RRBP1: variants seen among roughly 807,000 people sequenced by gnomAD.
The protein encoded by RRBP1 is ribosome-binding protein 1.
A neutral mutation model predicts 165.2 loss-of-function variants in RRBP1; 94 were observed. The ratio of observed to expected loss-of-function variants is 0.57; its 90% CI spans 0.48 to 0.68. The LOEUF is 0.68. Among genes scored for constraint, RRBP1 ranks in the 30% least tolerant of loss-of-function variants. The pLI is 0.00. For synonymous variants in RRBP1, 680 were observed against 714.5 expected (o/e 0.95, Z 0.77); for missense variants, 1,676 against 1,763.0 (o/e 0.95, Z 0.88).
chr20:17,627,841 T>A (rs1033443581), intron 9 of RRBP1, among the ~76,000 whole-genome samples, 159 bp from the exon 10 acceptor site: 1 of 152,176 alleles, frequency 6.6e-6, no homozygotes, highest in Admixed American at 6.5e-5. Context: ...TACTGACCAC[T>A]GGGGCCTCTT....
At chr20:17,655,591 C>T (rs567453270) in intron 3 of RRBP1, among the ~76,000 whole-genome samples, 1 of 152,150 alleles carries the variant, frequency 6.6e-6, no homozygotes, top group Non-Finnish European at 1.5e-5. Flanking sequence ...CCGCATGCAC[C>T]GAGGCCCTTG....
chr20:17,614,219 T>A lies in RRBP1; in HGVS notation c.4196A>T (p.Glu1399Val). ...KKLQEQLEKA[E>V]DGSSSKEGTS... is the part of the protein sequence containing the mutation. Reference sequence around the variant, plus strand: ...GCCCTCCTTTGAGCTGCTGCCGTCCTCCTGTGAACGAAGGCAGGTGGCGTG... The same window carrying A: ...GCCCTCCTTTGAGCTGCTGCCGTCCACCTGTGAACGAAGGCAGGTGGCGTG... The change falls in exon 25 of 25, where the codon GAG becomes GTG. Residue 1399 changes from glutamate (E) to valine (V), a missense_variant and splice_region_variant. Glu to Val is a moderately radical substitution (Grantham distance 121, BLOSUM62 -2). Transcript: ENST00000377813. 1 of 1,613,520 alleles carries A rather than the reference T, an allele frequency of 6.2e-7. No homozygotes were observed. Among genetic ancestry groups the A allele is most frequent in the Non-Finnish European group, 8.5e-7 (1 of 1,179,962 alleles).
chr20:17,679,761 C>T (rs770999408), intron 2 of RRBP1, among the ~76,000 whole-genome samples: 2 of 152,226 alleles, frequency 1.3e-5, no homozygotes, highest in Non-Finnish European at 2.9e-5. Context: ...CCAAAAAATA[C>T]TCATATACCA....
At position 17,616,766 on chromosome 20, in the gene RRBP1, G is replaced by A. The variant is rs1219188101; in HGVS notation, c.3833C>T (p.Pro1278Leu). 39 of 1,612,356 alleles carry A rather than the reference G, an allele frequency of 2.4e-5. No individual in the cohort carries two copies. The Admixed American group carries it at 6.5e-4, about 27-fold the overall frequency. The part of the protein sequence containing the change: ...GDIAGAPASS[P>L]EAPPAEQDPV... Reference sequence around the variant, plus strand: ...GTCCTGCTCGGCTGGGGGCGCCTCTGGGGAGGAAGCTGGGGCCCCAGCTAT... The same window carrying A: ...GTCCTGCTCGGCTGGGGGCGCCTCTAGGGAGGAAGCTGGGGCCCCAGCTAT... The change falls in exon 21 of 25, where the codon CCA becomes CTA. Residue 1278 changes from proline (P) to leucine (L), a missense_variant. Physicochemically the swap from Pro to Leu is moderately conservative, Grantham distance 98. Around this residue, in one of 5 missense-constraint regions of RRBP1, gnomAD observed 1,184 missense variants for 1,167.1 expected, o/e 1.01. Coordinates refer to ENST00000377813, the MANE Select transcript of RRBP1 (RefSeq NM_001365613.2).
At chr20:17,653,880 GA>G (rs2036602371) in intron 3 of RRBP1, among the ~76,000 whole-genome samples, 1 of 149,806 alleles carries the variant, frequency 6.7e-6, no homozygotes, top group East Asian at 1.9e-4. Context: ...AAGGTGGACA[GA>G]AAGAGCCACA....
At chr20:17,676,235 G>C (rs982195983) in intron 2 of RRBP1, among the ~76,000 whole-genome samples, 1 of 152,172 alleles carries the variant, frequency 6.6e-6, no homozygotes, top group African/African-American at 2.4e-5. Context: ...GGTAAGAGCT[G>C]TTTGGACCAG....
rs2035744620 is a variant in RRBP1 at position 17,614,161 on chromosome 20, TTC to T, written c.*19_*20del. On this transcript the variant is annotated 3_prime_UTR_variant, in exon 25 of 25. Transcript: ENST00000377813. ...GCATTTTGGTAAGTTGAACAGTAACTTCTTTTTCCAAAGAGGAAACTCAGACA... is the reference window on the plus strand; with the variant it reads ...GCATTTTGGTAAGTTGAACAGTAACTTTTTTCCAAAGAGGAAACTCAGACA... 1.2e-6 allele frequency: 2 copies of T among 1,613,280 alleles called. No homozygotes were observed. The highest frequency in any genetic ancestry group is 1.7e-6 in the Non-Finnish European group (2 of 1,179,380).
At chr20:17,623,609 A>G (rs1032855221) in intron 13 of RRBP1, among the ~76,000 whole-genome samples, 1 of 152,170 alleles carries the variant, frequency 6.6e-6, no homozygotes, top group African/African-American at 2.4e-5. Flanking sequence ...TGCTCGCTGC[A>G]AACAATGTCC....
chr20:17,615,816 C>T, intron 22 of RRBP1, 110 bp downstream of exon 22: 1 of 988,328 alleles, frequency 1.0e-6, no homozygotes, highest in Admixed American at 2.3e-5. Context: ...CCAGGCCCAG[C>T]CCAGGTGCTG....
intron 7 of RRBP1, among the ~76,000 whole-genome samples, 189 bp downstream of exon 7, chr20:17,635,357 G>A (rs1242995713): frequency 6.6e-6 from 1 of 152,348 alleles, no homozygotes; most frequent in South Asian, 2.1e-4. Flanking sequence ...CCACCACAGG[G>A]ACGCTGGGCC....
At position 17,621,530 on chromosome 20, in the gene RRBP1, C is replaced by T. The variant is rs1172927076; in HGVS notation, c.3342G>A (p.Leu1114=). The T allele has an allele frequency of 1.9e-6, 3 of 1,612,466 alleles. No homozygotes were observed. Among genetic ancestry groups the T allele is most frequent in the Middle Eastern group, 1.6e-4 (1 of 6,084 alleles). ...AEPSSDLASK[L]REAEETQSTL... is the part of the protein sequence containing the mutation. ...TGCTCTGCGTCTCCTCGGCCTCCCT[C>T]AACTTGGAGGCCAGGTCCTGAGAGA... The change falls in exon 16 of 25, where the codon TTG becomes TTA. Residue 1114 remains leucine (L), a synonymous_variant. Coordinates refer to ENST00000377813, the MANE Select transcript of RRBP1 (RefSeq NM_001365613.2).
chr20:17,633,762 C>A, intron 7 of RRBP1, 149 bp from the exon 8 acceptor site: 3 of 750,586 alleles, frequency 4.0e-6, no homozygotes, highest in Non-Finnish European at 6.5e-6. Flanking sequence ...CCATTATCAG[C>A]TGTGTGGGGT....
At chr20:17,663,422 A>G (rs1022697377) in intron 2 of RRBP1, among the ~76,000 whole-genome samples, 1 of 152,212 alleles carries the variant, frequency 6.6e-6, no homozygotes, top group African/African-American at 2.4e-5. Context: ...GCACACAAAT[A>G]TATGTTTTAT....
intron 11 of RRBP1, among the ~76,000 whole-genome samples, chr20:17,626,479 G>A (rs1182331890): frequency 6.6e-6 from 1 of 152,212 alleles, no homozygotes; most frequent in African/African-American, 2.4e-5. Flanking sequence ...GCTGTGGCCT[G>A]GGGAGCTGCC....
intron 2 of RRBP1, among the ~76,000 whole-genome samples, chr20:17,677,458 C>A (rs1397781298): frequency 6.6e-6 from 1 of 152,186 alleles, no homozygotes; most frequent in Non-Finnish European, 1.5e-5. Flanking sequence ...TTATATTATT[C>A]TTTACAGAGT....
intron 23 of RRBP1, among the ~76,000 whole-genome samples, 195 bp downstream of exon 23, chr20:17,615,236 C>T (rs1489016544): frequency 6.6e-6 from 1 of 152,248 alleles, no homozygotes; most frequent in Non-Finnish European, 1.5e-5. Context: ...GGACTAATGG[C>T]TGCCATGTGA....
At chr20:17,664,380 G>A (rs900778485) in intron 2 of RRBP1, among the ~76,000 whole-genome samples, 7 of 152,206 alleles carry the variant, frequency 4.6e-5, no homozygotes, top group Middle Eastern at 3.2e-3. Context: ...AATATTGTCA[G>A]ACCACAGCTT....
intron 11 of RRBP1, among the ~76,000 whole-genome samples, chr20:17,625,957 G>A (rs373708888): frequency 1.3e-5 from 2 of 152,194 alleles, no homozygotes; most frequent in East Asian, 3.9e-4. Flanking sequence ...AGCCTCCGCC[G>A]GCAAATCACC....
intron 2 of RRBP1, among the ~76,000 whole-genome samples, chr20:17,670,519 A>G (rs1301424642): frequency 1.3e-5 from 2 of 150,880 alleles, no homozygotes; most frequent in Admixed American, 6.6e-5. Flanking sequence ...AATTAATTCT[A>G]TTATCCCTTC....
Sources: gnomAD v4.1 joint callset for allele counts (sites outside exome capture counted in the v4.1 genomes callset) on GRCh38, gnomAD v4.1.1 for gene constraint, gnomAD v4.1.1 regional missense constraint, MANE v1.5 for transcripts, NCBI Gene and HGNC (gene_info 2026-07-23, HGNC 2026-07-21) for gene names.